STIM1: variants seen among roughly 807,000 people sequenced by gnomAD.
STIM1 encodes stromal interaction molecule 1.
A neutral mutation model predicts 74.7 loss-of-function variants in STIM1; 25 were observed. The observed-to-expected ratio is 0.33, with a 90% CI of 0.24 to 0.47. The LOEUF (loss-of-function observed/expected upper bound fraction) is 0.47. STIM1 is among the 20% of genes least tolerant of loss of function. The pLI is 1.00. For missense variants in STIM1, 728 were observed against 920.8 expected, an observed-to-expected ratio of 0.79 and a Z score of 2.71; for synonymous variants, 328 against 348.8, an observed-to-expected ratio of 0.94 and a Z score of 0.66.
intron 10 of STIM1, among the ~76,000 whole-genome samples, chr11:4,084,251 TA>T (rs2094480429): frequency 6.6e-6 from 1 of 152,232 alleles, no homozygotes; most frequent in South Asian, 2.1e-4. Context: ...GAATAGCCCT[TA>T]TGGTAAAGCT....
At chr11:4,040,429 T>C (rs1202396165) in intron 3 of STIM1, among the ~76,000 whole-genome samples, 1 of 152,226 alleles carries the variant, frequency 6.6e-6, no homozygotes, top group Non-Finnish European at 1.5e-5. Context: ...CATTTGTTGA[T>C]CTGTTTAAAA....
At chr11:4,036,946 A>T (rs563636393) in intron 3 of STIM1, among the ~76,000 whole-genome samples, 1 of 152,232 alleles carries the variant, frequency 6.6e-6, no homozygotes, top group Non-Finnish European at 1.5e-5. Flanking sequence ...CAGGCAACCT[A>T]CAGAGTGGGA....
intron 7 of STIM1, among the ~76,000 whole-genome samples, chr11:4,075,055 T>G (rs2094430116): frequency 3.3e-5 from 5 of 152,058 alleles, no homozygotes; most frequent in Admixed American, 3.3e-4. Flanking sequence ...GCAGGAGAAT[T>G]GCCTGAACCC....
chr11:4,025,378 G>A (rs2093990559), intron 3 of STIM1, among the ~76,000 whole-genome samples: 3 of 152,158 alleles, frequency 2.0e-5, no homozygotes, highest in African/African-American at 7.2e-5. Flanking sequence ...GGCAGCTGTA[G>A]GAGAGAGCTT....
In STIM1 at chr11:3,944,740, G is replaced by C. The variant is rs188894940; in HGVS notation, c.140-22812G>C. ...GACTCCTTGAATTGTAGTGAGCATC[G>C]GTGAGCTGTTGGATGACAGAGCTCT... On this transcript the variant is annotated intron_variant, in intron 1 of 12. Transcript: ENST00000526596. Among the ~76,000 whole-genome samples the C allele has an allele frequency of 1.1e-3, 171 of 152,294 alleles. 1 individual carries two copies. Among genetic ancestry groups the C allele is most frequent in the African/African-American group, 3.9e-3 (163 of 41,560 alleles).
intron 2 of STIM1, among the ~76,000 whole-genome samples, chr11:4,000,932 G>C (rs2093709602): frequency 6.6e-6 from 1 of 152,216 alleles, no homozygotes; most frequent in Non-Finnish European, 1.5e-5. Context: ...AGAACTACGT[G>C]AAGAATGCAG....
chr11:3,967,026 A>T (rs999526337), intron 1 of STIM1, among the ~76,000 whole-genome samples: 19 of 152,236 alleles, frequency 1.2e-4, no homozygotes, highest in African/African-American at 4.6e-4. Context: ...TCCCCAGTCA[A>T]TGGCTGACCT....
chr11:3,997,264 G>GA (rs34401288), intron 2 of STIM1, among the ~76,000 whole-genome samples: 3 of 152,058 alleles, frequency 2.0e-5, no homozygotes, highest in Non-Finnish European at 2.9e-5. Context: ...CTAGGTGCTG[G>GA]AAAAAAAGGA....
At chr11:4,056,226 C>G (rs2094289059) in intron 4 of STIM1, among the ~76,000 whole-genome samples, 1 of 152,144 alleles carries the variant, frequency 6.6e-6, no homozygotes, top group South Asian at 2.1e-4. Flanking sequence ...GCCATTGGCC[C>G]CAGCCTCATC....
At chr11:3,864,995 G>T (rs1056702133) in intron 1 of STIM1, among the ~76,000 whole-genome samples, 26 of 152,114 alleles carry the variant, frequency 1.7e-4, no homozygotes, top group African/African-American at 6.3e-4. Context: ...CTAGGCTGCA[G>T]TCCTGCCTAC....
At chr11:4,080,336 T>C (rs964978716) in intron 7 of STIM1, among the ~76,000 whole-genome samples, 4 of 152,228 alleles carry the variant, frequency 2.6e-5, no homozygotes, top group Non-Finnish European at 4.4e-5. Context: ...ACAAGAACTC[T>C]GACTTGCCCA....
At chr11:3,999,097 T>A (rs907478385) in intron 2 of STIM1, among the ~76,000 whole-genome samples, 16 of 152,190 alleles carry the variant, frequency 1.1e-4, no homozygotes, top group Non-Finnish European at 2.2e-4. Flanking sequence ...TGCAATCCCA[T>A]CACTTTGGGA....
intron 1 of STIM1, among the ~76,000 whole-genome samples, chr11:3,862,614 T>C (rs1445422762): frequency 2.0e-5 from 3 of 152,030 alleles, no homozygotes; most frequent in Non-Finnish European, 2.9e-5. Flanking sequence ...ACCCGGCTAA[T>C]TTTTTGTATT....
chr11:3,996,945 T>C (rs112853208), intron 2 of STIM1, among the ~76,000 whole-genome samples: 1 of 152,226 alleles, frequency 6.6e-6, no homozygotes, highest in Admixed American at 6.5e-5. Flanking sequence ...ATCTCTTTCC[T>C]CTGGGGAAAT....
chr11:4,049,541 C>T (rs1420705430), intron 3 of STIM1: 2 of 151,770 alleles, frequency 1.3e-5, no homozygotes, highest in African/African-American at 2.4e-5. Context: ...GTTGCCCTGA[C>T]TGATCTCAAA....
intron 3 of STIM1, among the ~76,000 whole-genome samples, chr11:4,045,873 C>T (rs1021146138): frequency 3.4e-5 from 5 of 145,858 alleles, no homozygotes; most frequent in African/African-American, 1.3e-4. Flanking sequence ...TTCAAGTGAT[C>T]CTTCCACCTC....
chr11:4,025,855 G>A (rs567272627), intron 3 of STIM1, among the ~76,000 whole-genome samples: 1 of 152,088 alleles, frequency 6.6e-6, no homozygotes, highest in African/African-American at 2.4e-5. Context: ...GAGGTTTTTT[G>A]GGGGAGAGTC....
At chr11:3,858,799 C>CT (rs1186940392) in intron 1 of STIM1, among the ~76,000 whole-genome samples, 2 of 152,178 alleles carry the variant, frequency 1.3e-5, no homozygotes, top group Non-Finnish European at 2.9e-5. Context: ...AATTACATAG[C>CT]TGTTTTTCCA....
chr11:4,045,283 T>G (rs1051000606), intron 3 of STIM1, among the ~76,000 whole-genome samples: 1 of 152,172 alleles, frequency 6.6e-6, no homozygotes, highest in African/African-American at 2.4e-5. Context: ...TGTTGTTCTC[T>G]GTACTTTACA....
Sources: gnomAD v4.1 joint callset for allele counts (sites outside exome capture counted in the v4.1 genomes callset) on GRCh38, gnomAD v4.1.1 for gene constraint, MANE v1.5 for transcripts, NCBI Gene and HGNC (gene_info 2026-07-23, HGNC 2026-07-21) for gene names.